Variants in OSER1 observed in about 807,000 individuals in gnomAD.
OSER1 encodes oxidative stress-responsive serine-rich protein 1.
In OSER1, 15 loss-of-function variants were observed where a neutral mutation model predicts 26.3. That is an observed-to-expected ratio of 0.57 (90% CI 0.38 to 0.88). The LOEUF (loss-of-function observed/expected upper bound fraction) is 0.88. Ranked by LOEUF, OSER1 falls within the 40% of genes least tolerant of loss-of-function variation. The probability of loss-of-function intolerance (pLI) is 0.00; values close to 1 mark genes in which losing one functional copy is unlikely to be tolerated. For missense variants in OSER1, 313 were observed against 353.9 expected, an observed-to-expected ratio of 0.88 and a Z score of 0.93; for synonymous variants, 127 against 128.2, an observed-to-expected ratio of 0.99 and a Z score of 0.07.
chr20:44,203,703 C>CG (rs2073009176), intron 2 of OSER1, among the ~76,000 whole-genome samples: 1 of 149,978 alleles, frequency 6.7e-6, no homozygotes, highest in Non-Finnish European at 1.5e-5. Flanking sequence ...TTCACACACA[C>CG]ACACACACAC....
At chr20:44,203,978 G>T (rs1002132062) in intron 2 of OSER1, among the ~76,000 whole-genome samples, 2 of 152,158 alleles carry the variant, frequency 1.3e-5, no homozygotes, top group Non-Finnish European at 2.9e-5. Flanking sequence ...ATGCTTATAA[G>T]GAGAAAGCAG....
Position 44,197,736 on chromosome 20 carries a change from A to G in OSER1, c.195T>C (p.Ser65=). The stretch of plus-strand genomic sequence containing the variant: ...CTGCTCCTCGTGAAGACTTCCTTGT[A>G]GACCTAAAGAGGAAAAAAAATATAC... ...TCASKDSWHG[S]TRKSSRGAVR... Residue 65 remains serine (S), a synonymous_variant, in exon 4 of 4, where the codon TCT becomes TCC. Coordinates refer to ENST00000255174, the MANE Select transcript of OSER1 (RefSeq NM_016470.8). 6.2e-7 allele frequency: 1 copy of G among 1,601,474 alleles called. No individual in the cohort carries two copies. Among genetic ancestry groups the G allele is most frequent in the Non-Finnish European group, 8.5e-7 (1 of 1,170,558 alleles).
chr20:44,197,058 G>A lies in OSER1; in HGVS notation c.873C>T (p.Tyr291=), dbSNP rs772321854. 2 of 1,603,232 alleles carry A rather than the reference G, an allele frequency of 1.2e-6. No homozygotes were observed. The highest frequency in any genetic ancestry group is 4.5e-5 in the East Asian group (2 of 44,686). ...KKMSHMAEMM[Y]T ...ATGAATTAGCTTCTTGCTATCAGGT[G>A]TACATCATTTCTGCCATGTGGGACA... is the stretch of plus-strand genomic sequence containing the variant. Residue 291 remains tyrosine (Y), a synonymous_variant, in exon 4 of 4, where the codon TAC becomes TAT. Transcript: ENST00000255174.
Position 44,197,091 on chromosome 20 carries a change from G to A in OSER1, c.840C>T (p.Pro280=), listed in dbSNP as rs2072926244. Residue 280 remains proline (P), a synonymous_variant, in exon 4 of 4, where the codon CCC becomes CCT. Transcript: ENST00000255174. ...SGYMEYYLYI[P]KKMSHMAEMM... is the part of the protein sequence containing the mutation. Reference sequence around the variant, plus strand: ...TTTCTGCCATGTGGGACATTTTCTTGGGAATATACAAGTAATACTCCATGT... The same window carrying A: ...TTTCTGCCATGTGGGACATTTTCTTAGGAATATACAAGTAATACTCCATGT... The A allele has an allele frequency of 6.2e-7, 1 of 1,612,566 alleles. No homozygotes were observed. The highest frequency in any genetic ancestry group is 1.3e-5 in the African/African-American group (1 of 75,002).
chr20:44,204,051 T>C (rs1006094809), intron 2 of OSER1, among the ~76,000 whole-genome samples: 1 of 152,256 alleles, frequency 6.6e-6, no homozygotes, highest in Non-Finnish European at 1.5e-5. Flanking sequence ...TAGGCTATCA[T>C]GAACCAGTGG....
At chr20:44,210,544 G>A (rs560197924) in intron 1 of OSER1, among the ~76,000 whole-genome samples, 152 bp downstream of exon 1, 2 of 152,200 alleles carry the variant, frequency 1.3e-5, no homozygotes, top group African/African-American at 4.8e-5. Flanking sequence ...ATAAGGGGGC[G>A]CGGAGAGGCC....
At chr20:44,208,858 T>G (rs2073066950) in intron 1 of OSER1, among the ~76,000 whole-genome samples, 1 of 152,184 alleles carries the variant, frequency 6.6e-6, no homozygotes, top group African/African-American at 2.4e-5. Flanking sequence ...GCCCCCCAAG[T>G]CCTCTTTAGC....
At chr20:44,203,694 T>TCACACACACACACACACACA (rs139060435) in intron 2 of OSER1, among the ~76,000 whole-genome samples, 2 of 145,362 alleles carry the variant, frequency 1.4e-5, no homozygotes, top group African/African-American at 2.6e-5. Context: ...CAGACTTTTT[T>TCACACACACACACACACACA]CACACACACA....
Position 44,206,961 on chromosome 20 carries a change from G to T in OSER1, c.-4C>A. 6.2e-7 allele frequency: 1 copy of T among 1,604,500 alleles called. No individual in the cohort carries two copies. Among genetic ancestry groups the T allele is most frequent in the Non-Finnish European group, 8.5e-7 (1 of 1,172,104 alleles). ...CATCCTTGGCTTCGGATTTCATTGTGCAAGTTTTTACACTACTTATCGATG... is the reference window on the plus strand; with the variant it reads ...CATCCTTGGCTTCGGATTTCATTGTTCAAGTTTTTACACTACTTATCGATG... On this transcript the variant is annotated 5_prime_UTR_variant, in exon 2 of 4. Coordinates refer to ENST00000255174, the MANE Select transcript of OSER1 (RefSeq NM_016470.8).
chr20:44,209,745 C>T (rs2073078716), intron 1 of OSER1, among the ~76,000 whole-genome samples: 3 of 152,182 alleles, frequency 2.0e-5, no homozygotes, highest in Admixed American at 2.0e-4. Context: ...ATGGATGCGT[C>T]ACAATCTTAT....
At chr20:44,211,046 T>C (rs2073102498), upstream of OSER1, 1 of 152,436 alleles carries the variant, frequency 6.6e-6, no homozygotes, top group Non-Finnish European at 1.5e-5. Flanking sequence ...CGACCCGCTT[T>C]TGGGGCGTGC....
intron 3 of OSER1, among the ~76,000 whole-genome samples, chr20:44,200,092 C>T (rs2145923139): frequency 6.6e-6 from 1 of 152,332 alleles, no homozygotes; most frequent in Non-Finnish European, 1.5e-5. Context: ...TGCCCGCCTT[C>T]CTGGCCAGTA....
intron 3 of OSER1, among the ~76,000 whole-genome samples, chr20:44,198,563 G>A (rs371770910): frequency 6.6e-6 from 1 of 152,072 alleles, no homozygotes; most frequent in Admixed American, 6.5e-5. Flanking sequence ...AGCTTGCAGT[G>A]AGCTGAGATC....
chr20:44,197,375 G>C lies in OSER1; in HGVS notation c.556C>G (p.Gln186Glu), dbSNP rs141804761. ...CCCTGGTTTAGCTTGGAAACTGATT[G>C]AAAGTCAGAGAGATCACTGGCTTTG... ...SLKASDLSDF[Q>E]SVSKLNQGKP... The change falls in exon 4 of 4, where the codon CAA (glutamine) becomes GAA (glutamate). Residue 186 changes from glutamine (Q) to glutamate (E), a missense_variant. Gln to Glu is a conservative substitution (Grantham distance 29, BLOSUM62 2). Around this residue, in one of 2 missense-constraint regions of OSER1, gnomAD observed 300 missense variants for 318.3 expected, o/e 0.94. Coordinates refer to ENST00000255174, the MANE Select transcript of OSER1 (RefSeq NM_016470.8). 19 of 1,614,070 alleles carry C rather than the reference G, an allele frequency of 1.2e-5. No homozygotes were observed. In the African/African-American group the frequency reaches 2.3e-4, roughly 19 times the overall value.
At chr20:44,206,708 CT>C (rs1760600245) in intron 2 of OSER1, among the ~76,000 whole-genome samples, 172 bp downstream of exon 2, 1 of 152,166 alleles carries the variant, frequency 6.6e-6, no homozygotes. Flanking sequence ...AAAGGGTTTT[CT>C]TTTTAAACTA....
rs545200403 is a variant in OSER1, at chr20:44,205,239, G to A, written c.77+1642C>T. On this transcript the variant is annotated intron_variant, in intron 2 of 3. Coordinates refer to ENST00000255174, the MANE Select transcript of OSER1 (RefSeq NM_016470.8). The stretch of plus-strand genomic sequence containing the variant: ...CACTAAGAGATTTGTATGTATAATT[G>A]TGGGTACACATTCCTAGTATTTTCC... 7.2e-5 allele frequency among the ~76,000 whole-genome samples: 11 copies of A among 152,298 alleles called. No individual in the cohort carries two copies. In the South Asian group the frequency reaches 2.3e-3, roughly 32 times the overall value.
Position 44,206,862 on chromosome 20 carries a change from A to G in OSER1, c.77+19T>C. On this transcript the variant is annotated intron_variant, in intron 2 of 3. Coordinates refer to ENST00000255174, the MANE Select transcript of OSER1 (RefSeq NM_016470.8). ...AAGTAAACAAATAATTCCAAATAAT[A>G]TATTACATATTTAATTACCCTGATG... is the stretch of plus-strand genomic sequence containing the variant. 5.3e-6 allele frequency: 5 copies of G among 947,394 alleles called. No homozygotes were observed. Among genetic ancestry groups the G allele is most frequent in the Non-Finnish European group, 8.7e-6 (5 of 577,238 alleles). 58.7% of individuals were successfully genotyped at this position (947,394 alleles called of 1,614,324 possible).
In OSER1 at chr20:44,202,495, A is replaced by T. The variant is rs151244218; in HGVS notation, c.191+466T>A. Among the ~76,000 whole-genome samples the T allele has an allele frequency of 7.0e-4, 106 of 152,378 alleles. No homozygotes were observed. In the Middle Eastern group the frequency reaches 0.02, roughly 29 times the overall value. ...ATGTCACTACATAATAAAAGTTTCA[A>T]TTCACCAGAAAGAAAACATTCTAAA... is the stretch of plus-strand genomic sequence containing the variant. On this transcript the variant is annotated intron_variant, in intron 3 of 3. Coordinates refer to ENST00000255174, the MANE Select transcript of OSER1 (RefSeq NM_016470.8).
intron 1 of OSER1, chr20:44,207,504 A>C (rs1021442459): frequency 5.2e-5 from 8 of 152,480 alleles, no homozygotes; most frequent in African/African-American, 1.9e-4. Context: ...GACACGTTTT[A>C]GAGAACAAGA....
Sources: allele counts gnomAD v4.1 joint callset (sites outside exome capture counted in the v4.1 genomes callset), GRCh38; gene constraint gnomAD v4.1.1; regional missense constraint gnomAD v4.1.1; transcripts MANE v1.5; gene names NCBI Gene and HGNC (gene_info 2026-07-23, HGNC 2026-07-21).